Variants in POLR3GL observed in about 807,000 individuals in gnomAD.
POLR3GL encodes the protein RNA polymerase III subunit GL.
In POLR3GL, 26 loss-of-function variants were observed where a neutral mutation model predicts 32.4. That is an observed-to-expected ratio of 0.80 (90% CI 0.59 to 1.11). The LOEUF (loss-of-function observed/expected upper bound fraction) is 1.11. Ranked by LOEUF, POLR3GL falls within the 50% of genes most tolerant of loss-of-function variation. The pLI, the probability that POLR3GL is intolerant of heterozygous loss-of-function variation, is 0.00. For synonymous variants in POLR3GL, 95 were observed against 98.7 expected (o/e 0.96, Z 0.22); for missense variants, 229 against 280.1 (o/e 0.82, Z 1.30).
At chr1:145,975,109 C>T (rs1179754946) in intron 2 of POLR3GL, 118 bp downstream of exon 2, 3 of 1,350,738 alleles carry the variant, frequency 2.2e-6, no homozygotes, top group Admixed American at 2.7e-5. Context: ...CTCTATACTC[C>T]CAATGCACAG....
At chr1:145,971,303 AT>A (rs1269543863) in intron 1 of POLR3GL, among the ~76,000 whole-genome samples, 1 of 151,618 alleles carries the variant, frequency 6.6e-6, no homozygotes, top group Admixed American at 6.6e-5. Context: ...GTTTTTACCT[AT>A]TGCTCTTTTT....
intron 1 of POLR3GL, among the ~76,000 whole-genome samples, chr1:145,969,560 C>A (rs1650186749): frequency 6.6e-6 from 1 of 150,460 alleles, no homozygotes; most frequent in Non-Finnish European, 1.5e-5. Flanking sequence ...CCATGCCCAG[C>A]CAAAAATTTT....
rs782199207 is a variant in POLR3GL, at chr1:145,975,253, TA to T, written c.127-51del. 1.7e-5 allele frequency: 27 copies of T among 1,587,654 alleles called. No homozygotes were observed. In the South Asian group the frequency reaches 2.9e-4, roughly 17 times the overall value. ...ACTAAATTGGGAGGAGGGGTCTTCCTAAATTTGTACTAGCATTTTCTCCCTG... is the reference window on the plus strand; with the variant it reads ...ACTAAATTGGGAGGAGGGGTCTTCCTAATTTGTACTAGCATTTTCTCCCTG... On this transcript the variant is annotated intron_variant, in intron 2 of 7. Transcript: ENST00000369314.
At chr1:145,968,733 G>A (rs375812944) in intron 1 of POLR3GL, among the ~76,000 whole-genome samples, 29 of 151,864 alleles carry the variant, frequency 1.9e-4, no homozygotes, top group African/African-American at 7.0e-4. Context: ...CACCACGCCT[G>A]GCTAATTTTT....
intron 1 of POLR3GL, 116 bp downstream of exon 1, chr1:145,964,884 C>A (rs1229599281): frequency 6.6e-6 from 1 of 152,278 alleles, no homozygotes; most frequent in Non-Finnish European, 1.5e-5. Context: ...TGGCTCCCTA[C>A]CGTTTCTCCC....
chr1:145,977,247 C>T (rs1424334151), intron 4 of POLR3GL, 95 bp downstream of exon 4: 14 of 1,107,948 alleles, frequency 1.3e-5, no homozygotes, highest in East Asian at 2.4e-5. Context: ...CCCCATTCCC[C>T]GATCCAGCAT....
chr1:145,977,699 C>T, intron 5 of POLR3GL, 79 bp from the exon 6 acceptor site: 1 of 1,404,512 alleles, frequency 7.1e-7, no homozygotes, highest in Non-Finnish European at 1.0e-6. Flanking sequence ...AGCAGAGTGA[C>T]ATGTTCTTTG....
chr1:145,978,671 C>A lies in POLR3GL; in HGVS notation c.*224C>A. ...GGGAAAGTGCAAAGGACAAACATCT[C>A]AATTGTATGAAGGGAGAAAGGAGAA... On this transcript the variant is annotated 3_prime_UTR_variant, in exon 8 of 8. Coordinates refer to ENST00000369314, the MANE Select transcript of POLR3GL (RefSeq NM_032305.3). 3.8e-6 allele frequency: 2 copies of A among 532,816 alleles called. No individual in the cohort carries two copies. Among genetic ancestry groups the A allele is most frequent in the Non-Finnish European group, 3.3e-6 (1 of 299,600 alleles). 33.0% of individuals were successfully genotyped at this position (532,816 alleles called of 1,614,324 possible). A position where few individuals can be genotyped will look rare whatever the true frequency, so the allele number is the denominator to read the frequency against.
chr1:145,974,808 G>T lies in POLR3GL; in HGVS notation c.-41-17G>T. On this transcript the variant is annotated splice_polypyrimidine_tract_variant and intron_variant, in intron 1 of 7. Coordinates refer to ENST00000369314, the MANE Select transcript of POLR3GL (RefSeq NM_032305.3). ...TTCTACTACATTTCTTTTTCTCTTT[G>T]TTTTTGTCTTTATTAGGTTTATTCA... The T allele has an allele frequency of 1.4e-6, 2 of 1,430,324 alleles. No individual in the cohort carries two copies. Among genetic ancestry groups the T allele is most frequent in the Non-Finnish European group, 9.2e-7 (1 of 1,088,408 alleles). The allele number at this position is 1,430,324 out of a possible 1,614,324, so 88.6% of individuals were successfully genotyped here. A position where few individuals can be genotyped will look rare whatever the true frequency, so the allele number is the denominator to read the frequency against.
chr1:145,977,854 G>T lies in POLR3GL; in HGVS notation c.456+3G>T. 1.2e-6 allele frequency: 2 copies of T among 1,613,912 alleles called. No homozygotes were observed. Among genetic ancestry groups the T allele is most frequent in the Non-Finnish European group, 8.5e-7 (1 of 1,179,750 alleles). ...AGGAAACAATACAGAAACTAGAGGT[G>T]AGGAGGAAGTGTGCATAGAGACCTC... is the stretch of plus-strand genomic sequence containing the variant. On this transcript the variant is annotated splice_donor_region_variant and intron_variant, in intron 6 of 7. Transcript: ENST00000369314.
intron 4 of POLR3GL, 104 bp downstream of exon 4, chr1:145,977,256 A>G: frequency 9.6e-7 from 1 of 1,046,294 alleles, no homozygotes; most frequent in South Asian, 1.3e-5. Context: ...CCGATCCAGC[A>G]TCTGCAAGCT....
Position 145,978,072 on chromosome 1 carries a change from G to A in POLR3GL, c.546G>A (p.Glu182=), listed in dbSNP as rs1467639115. ...AGAAGGAAGAGGAGGAAGAAGAAGA[G>A]TATGATGAAGAAGAACATGAAGAGG... The part of the protein sequence containing the change: ...EEEKEEEEEE[E]YDEEEHEEET... Residue 182 remains glutamate (E), a synonymous_variant, in exon 7 of 8, where the codon GAG becomes GAA. Coordinates refer to ENST00000369314, the MANE Select transcript of POLR3GL (RefSeq NM_032305.3). The A allele has an allele frequency of 1.9e-6, 3 of 1,603,374 alleles. No individual in the cohort carries two copies. Among genetic ancestry groups the A allele is most frequent in the Non-Finnish European group, 2.6e-6 (3 of 1,173,342 alleles).
rs1393197569 is a variant in POLR3GL at position 145,977,736 on chromosome 1, A to G, written c.383-42A>G. 1.9e-6 allele frequency: 3 copies of G among 1,597,680 alleles called. No homozygotes were observed. The African/African-American group carries it at 4.0e-5, about 21-fold the overall frequency. ...ATGAGGATGGGCTATAAAGCTGGCA[A>G]AATTTGCTCTCTGAAGGTTTACCTT... is the stretch of plus-strand genomic sequence containing the variant. On this transcript the variant is annotated intron_variant, in intron 5 of 7. Transcript: ENST00000369314.
rs41315689 is a variant in POLR3GL at position 145,977,629 on chromosome 1, A to G, written c.382+90A>G. On this transcript the variant is annotated intron_variant, in intron 5 of 7. Coordinates refer to ENST00000369314, the MANE Select transcript of POLR3GL (RefSeq NM_032305.3). The stretch of plus-strand genomic sequence containing the variant: ...TGCTGCTGGTCTCACCTTCCATCCC[A>G]GTTCCTATACCCAATCTACCAAGTG... The G allele has an allele frequency of 2.0e-3, 2,683 of 1,363,356 alleles. 9 individuals carry two copies. The highest frequency in any genetic ancestry group is 2.5e-3 in the Non-Finnish European group (2,405 of 953,340). 84.5% of individuals were successfully genotyped at this position (1,363,356 alleles called of 1,614,324 possible).
rs587729315 is a variant in POLR3GL, at chr1:145,968,435, A to G, written c.-42+3667A>G. Among the ~76,000 whole-genome samples, 4 of 152,312 alleles carry G rather than the reference A, an allele frequency of 2.6e-5. No individual in the cohort carries two copies. In the South Asian group the frequency reaches 6.2e-4, roughly 24 times the overall value. On this transcript the variant is annotated intron_variant, in intron 1 of 7. Transcript: ENST00000369314. ...TCTAACCTCAAACTCATGGCCATTT[A>G]TTGACTCTTCATTGCTTTGCAGTCA... is the stretch of plus-strand genomic sequence containing the variant.
Position 145,978,522 on chromosome 1 carries a change from A to G in POLR3GL, c.*75A>G. The G allele has an allele frequency of 1.0e-6, 1 of 964,848 alleles. No individual in the cohort carries two copies. Among genetic ancestry groups the G allele is most frequent in the Non-Finnish European group, 1.7e-6 (1 of 604,320 alleles). 59.8% of individuals were successfully genotyped at this position (964,848 alleles called of 1,614,324 possible). On this transcript the variant is annotated 3_prime_UTR_variant, in exon 8 of 8. Coordinates refer to ENST00000369314, the MANE Select transcript of POLR3GL (RefSeq NM_032305.3). ...GTACCTATTATTTGTTTCTTCAGAC[A>G]AGCAAATCATTTGGTCAGAGTTCAT...
rs2101945548 is a variant in POLR3GL, at chr1:145,978,402, C to T, written c.612C>T (p.Asp204=). The T allele has an allele frequency of 1.2e-6, 2 of 1,610,840 alleles. No homozygotes were observed. The highest frequency in any genetic ancestry group is 2.2e-5 in the East Asian group (1 of 44,850). The stretch of plus-strand genomic sequence containing the variant: ...TGTCATATTTTGACAATGGAGAGGA[C>T]TTTGGTGGTGACAGTGATGACAATA... The part of the protein sequence containing the change: ...YIMSYFDNGE[D]FGGDSDDNMD... Residue 204 remains aspartate, a synonymous_variant, in exon 8 of 8, where the codon GAC becomes GAT. Transcript: ENST00000369314.
At chr1:145,974,228 C>T (rs1553763065) in intron 1 of POLR3GL, among the ~76,000 whole-genome samples, 3 of 152,212 alleles carry the variant, frequency 2.0e-5, no homozygotes, top group Admixed American at 6.5e-5. Context: ...CCCACAGTGC[C>T]TGACACACTA....
intron 2 of POLR3GL, 146 bp downstream of exon 2, chr1:145,975,137 A>G (rs1650494505): frequency 7.6e-7 from 1 of 1,312,858 alleles, no homozygotes; most frequent in Non-Finnish European, 1.0e-6. Flanking sequence ...TTGCAGGCAA[A>G]GAAGTGTCCA....
Sources: allele counts gnomAD v4.1 joint callset (sites outside exome capture counted in the v4.1 genomes callset), GRCh38; gene constraint gnomAD v4.1.1; transcripts MANE v1.5; gene names NCBI Gene and HGNC (gene_info 2026-07-23, HGNC 2026-07-21).